Variants in SPAG9 observed in about 807,000 individuals in gnomAD.
The protein encoded by SPAG9 is C-Jun-amino-terminal kinase-interacting protein 4.
In SPAG9, 35 loss-of-function variants were observed where a neutral mutation model predicts 166.5. The observed-to-expected ratio is 0.21, with a 90% CI of 0.16 to 0.28. SPAG9 has a LOEUF of 0.28. Ranked by LOEUF, SPAG9 falls within the 10% of genes least tolerant of loss-of-function variation. The probability of loss-of-function intolerance (pLI) is 1.00; values close to 1 mark genes in which losing one functional copy is unlikely to be tolerated. For synonymous variants in SPAG9, 534 were observed against 565.5 expected, an observed-to-expected ratio of 0.94 and a Z score of 0.79; for missense variants, 1,235 against 1,603.3, an observed-to-expected ratio of 0.77 and a Z score of 3.92.
intron 13 of SPAG9, among the ~76,000 whole-genome samples, chr17:51,000,532 G>A (rs1366337694): frequency 6.6e-6 from 1 of 151,990 alleles, no homozygotes; most frequent in Non-Finnish European, 1.5e-5. Flanking sequence ...TCAAAAGTTC[G>A]AGACCAGCCT....
At chr17:50,996,403 A>G (rs2044681691) in intron 16 of SPAG9, 162 bp downstream of exon 16, 4 of 732,718 alleles carry the variant, frequency 5.5e-6, no homozygotes, top group East Asian at 2.7e-5. Context: ...CAGCTCTAGA[A>G]AACAGCCTGA....
At chr17:51,017,302 A>G (rs1339705439) in intron 8 of SPAG9, among the ~76,000 whole-genome samples, 1 of 152,144 alleles carries the variant, frequency 6.6e-6, no homozygotes, top group African/African-American at 2.4e-5. Flanking sequence ...ACAGAATCTC[A>G]GCTGAAAAAG....
chr17:51,054,852 A>G (rs1423427314), intron 3 of SPAG9, among the ~76,000 whole-genome samples: 3 of 152,124 alleles, frequency 2.0e-5, no homozygotes, highest in African/African-American at 7.2e-5. Context: ...CTGGATATCA[A>G]TTCTGTGATA....
rs183616066 is a variant in SPAG9 at position 51,095,908 on chromosome 17, T to C, written c.304-16204A>G. On this transcript the variant is annotated intron_variant, in intron 1 of 29. Transcript: ENST00000262013. ...ATAGTGATATATACAGTGATATATATAGTGATATATATATAGTGATATATA... is the reference window on the plus strand; with the variant it reads ...ATAGTGATATATACAGTGATATATACAGTGATATATATATAGTGATATATA... 6.3e-3 allele frequency among the ~76,000 whole-genome samples: 901 copies of C among 142,044 alleles called. 20 individuals are homozygous for C. Among genetic ancestry groups the C allele is most frequent in the African/African-American group, 0.022 (835 of 38,112 alleles). 93.2% of individuals were successfully genotyped at this position (142,044 alleles called of 152,430 possible).
chr17:50,972,673 G>A (rs1041561965), intron 28 of SPAG9, among the ~76,000 whole-genome samples: 1 of 152,184 alleles, frequency 6.6e-6, no homozygotes, highest in Non-Finnish European at 1.5e-5. Context: ...CCATTAATGC[G>A]ACACACTGTA....
intron 2 of SPAG9, among the ~76,000 whole-genome samples, chr17:51,073,870 A>G (rs1214908970): frequency 6.6e-6 from 1 of 152,202 alleles, no homozygotes; most frequent in Admixed American, 6.5e-5. Context: ...TGGGAGGCCG[A>G]GGTGGGCGGA....
chr17:50,999,622 C>T (rs2143937245), intron 14 of SPAG9, 39 bp downstream of exon 14: 1 of 1,554,282 alleles, frequency 6.4e-7, no homozygotes. Context: ...ATTTTCTTGT[C>T]TCATGTGCTG....
At chr17:50,992,854 T>C (rs995901893) in intron 19 of SPAG9, among the ~76,000 whole-genome samples, 1 of 151,936 alleles carries the variant, frequency 6.6e-6, no homozygotes. Context: ...CTCAGCACTT[T>C]GGGAGACCGA....
chr17:51,039,557 G>A (rs2046750078), intron 5 of SPAG9, among the ~76,000 whole-genome samples: 1 of 152,160 alleles, frequency 6.6e-6, no homozygotes, highest in Non-Finnish European at 1.5e-5. Flanking sequence ...GAGAGAGACA[G>A]GGTTTTGTTT....
At chr17:51,099,001 G>A (rs1484510163) in intron 1 of SPAG9, among the ~76,000 whole-genome samples, 1 of 151,444 alleles carries the variant, frequency 6.6e-6, no homozygotes, top group Non-Finnish European at 1.5e-5. Context: ...TGGGGAGGCT[G>A]AGGCAGAAGA....
intron 1 of SPAG9, among the ~76,000 whole-genome samples, chr17:51,089,625 TATATATATATATA>T (rs1568077227): frequency 1.3e-4 from 7 of 55,568 alleles, no homozygotes; most frequent in African/African-American, 7.1e-4. Flanking sequence ...TTATTTTATA[TATATATATATATA>T]TATATATATA....
chr17:51,018,105 A>T (rs2045778229), intron 8 of SPAG9, among the ~76,000 whole-genome samples: 1 of 152,076 alleles, frequency 6.6e-6, no homozygotes, highest in Non-Finnish European at 1.5e-5. Context: ...GCACTTTGGG[A>T]GGCTGAGGCA....
chr17:50,986,161 A>G (rs1975034026), intron 22 of SPAG9, among the ~76,000 whole-genome samples: 1 of 152,262 alleles, frequency 6.6e-6, no homozygotes, highest in Non-Finnish European at 1.5e-5. Context: ...CCTACAGGCC[A>G]GATCCAGTCT....
intron 27 of SPAG9, among the ~76,000 whole-genome samples, chr17:50,975,706 A>T (rs986047864): frequency 6.6e-6 from 1 of 152,110 alleles, no homozygotes; most frequent in Non-Finnish European, 1.5e-5. Flanking sequence ...CCATGTAACA[A>T]ACATTAAAAA....
intron 1 of SPAG9, among the ~76,000 whole-genome samples, chr17:51,109,726 C>CT (rs1187914512): frequency 6.6e-6 from 1 of 150,986 alleles, no homozygotes; most frequent in Non-Finnish European, 1.5e-5. Context: ...CTTTTCTTTT[C>CT]TTTTTGACAG....
In SPAG9 at chr17:51,006,197, CT is replaced by C. The variant is rs764285971; in HGVS notation, c.1311del (p.Val438TrpfsTer4). ...TCTTTCTCACAGGTCAGTTCATCCA[CT>C]TTTGCTATCAAATCATTCTTCACTA... The part of the protein sequence containing the change: ...LNIVKNDLIA[K>X]VDELTCEKDV... On this transcript the variant is annotated frameshift_variant, in exon 11 of 30. Transcript: ENST00000262013. LOFTEE classifies it high-confidence loss of function. 6.2e-7 allele frequency: 1 copy of C among 1,614,206 alleles called. No individual in the cohort carries two copies. Among genetic ancestry groups the C allele is most frequent in the East Asian group, 2.2e-5 (1 of 44,888 alleles).
chr17:51,070,830 A>C (rs2047802211), intron 2 of SPAG9, among the ~76,000 whole-genome samples: 1 of 152,194 alleles, frequency 6.6e-6, no homozygotes, highest in Non-Finnish European at 1.5e-5. Context: ...TTCTCATTAG[A>C]GGAAAAAATA....
chr17:51,115,698 C>T (rs562196885), intron 1 of SPAG9, among the ~76,000 whole-genome samples: 39 of 152,026 alleles, frequency 2.6e-4, no homozygotes, highest in African/African-American at 4.1e-4. Flanking sequence ...GGCGTGGTGG[C>T]GCATGCCTGT....
At chr17:51,114,690 G>T (rs1007090261) in intron 1 of SPAG9, among the ~76,000 whole-genome samples, 4 of 152,020 alleles carry the variant, frequency 2.6e-5, no homozygotes, top group Admixed American at 1.3e-4. Flanking sequence ...GGTGGCTCAC[G>T]CCTGTAATCC....
Sources: gnomAD v4.1 joint callset for allele counts (sites outside exome capture counted in the v4.1 genomes callset) on GRCh38, gnomAD v4.1.1 for gene constraint, MANE v1.5 for transcripts, NCBI Gene and HGNC (gene_info 2026-07-23, HGNC 2026-07-21) for gene names.